NRXN1: variants seen among roughly 807,000 people sequenced by gnomAD.
The protein encoded by NRXN1 is neurexin-1.
Under a neutral mutation model 150.9 loss-of-function variants are expected in NRXN1, and 39 were observed. The ratio of observed to expected loss-of-function variants is 0.26; its 90% CI spans 0.20 to 0.34. The LOEUF (loss-of-function observed/expected upper bound fraction) is 0.34, where lower values mean the gene tolerates loss of function less well. NRXN1 is among the 10% of genes least tolerant of loss of function. The pLI is 1.00. For synonymous variants in NRXN1, 924 were observed against 757.0 expected (o/e 1.22, Z -3.62); for missense variants, 1,815 against 1,949.9 (o/e 0.93, Z 1.30).
At chr2:50,726,812 G>A (rs534045463) in intron 5 of NRXN1, among the ~76,000 whole-genome samples, 3 of 152,058 alleles carry the variant, frequency 2.0e-5, no homozygotes, top group Non-Finnish European at 4.4e-5. Flanking sequence ...ATGGAAATAA[G>A]GGTAACAAAA....
intron 5 of NRXN1, among the ~76,000 whole-genome samples, chr2:50,628,206 A>G (rs1573869381): frequency 6.6e-6 from 1 of 151,832 alleles, no homozygotes; most frequent in East Asian, 1.9e-4. Flanking sequence ...GTTAAATAAT[A>G]AACAGTTTGC....
rs565645834 is a variant in NRXN1, at chr2:50,769,946, T to C, written c.833-146331A>G. ...TGTTTGGGAATTGTACTGTCTGCCATGGGGGTGAGAAGCCAAGGCAGCCGG... is the reference window on the plus strand; with the variant it reads ...TGTTTGGGAATTGTACTGTCTGCCACGGGGGTGAGAAGCCAAGGCAGCCGG... On this transcript the variant is annotated intron_variant, in intron 5 of 22. Coordinates refer to ENST00000401669, the MANE Select transcript of NRXN1 (RefSeq NM_001330078.2). Among the ~76,000 whole-genome samples the C allele has an allele frequency of 4.6e-5, 7 of 152,146 alleles. No individual in the cohort carries two copies. The South Asian group carries it at 8.3e-4, about 18-fold the overall frequency.
chr2:50,143,680 A>C (rs1332456861), intron 18 of NRXN1, among the ~76,000 whole-genome samples: 1 of 152,034 alleles, frequency 6.6e-6, no homozygotes, highest in Admixed American at 6.6e-5. Context: ...CAAATTCATA[A>C]GTGGAGTATT....
chr2:50,247,330 A>C (rs2066596263), intron 17 of NRXN1, among the ~76,000 whole-genome samples: 1 of 152,106 alleles, frequency 6.6e-6, no homozygotes, highest in African/African-American at 2.4e-5. Flanking sequence ...ATAGCCAAAA[A>C]TTCTGCATAT....
At chr2:50,934,618 AGCG>A (rs1688247733) in intron 2 of NRXN1, among the ~76,000 whole-genome samples, 2 of 152,214 alleles carry the variant, frequency 1.3e-5, no homozygotes, top group African/African-American at 2.4e-5. Flanking sequence ...AGTTCTATTG[AGCG>A]GTATTAACTA....
At chr2:50,885,517 A>T (rs1680100340) in intron 5 of NRXN1, among the ~76,000 whole-genome samples, 1 of 151,356 alleles carries the variant, frequency 6.6e-6, no homozygotes, top group Admixed American at 6.6e-5. Flanking sequence ...AAGTGCTATG[A>T]TATCCCCATA....
intron 18 of NRXN1, among the ~76,000 whole-genome samples, chr2:50,230,733 G>T (rs2064861424): frequency 6.6e-6 from 1 of 152,036 alleles, no homozygotes; most frequent in African/African-American, 2.4e-5. Context: ...ACACACTAAA[G>T]ATGATGACCA....
At chr2:50,725,577 T>C (rs1289682099) in intron 5 of NRXN1, among the ~76,000 whole-genome samples, 1 of 152,188 alleles carries the variant, frequency 6.6e-6, no homozygotes, top group East Asian at 1.9e-4. Context: ...CTGGGTAATT[T>C]TTCCAGCACA....
At chr2:50,514,454 T>C (rs2092566520) in intron 12 of NRXN1, among the ~76,000 whole-genome samples, 1 of 152,202 alleles carries the variant, frequency 6.6e-6, no homozygotes, top group Admixed American at 6.5e-5. Flanking sequence ...TGCTATTAAT[T>C]TTGTTTAAAA....
At chr2:50,983,400 T>C (rs1157934509) in intron 2 of NRXN1, among the ~76,000 whole-genome samples, 1 of 152,116 alleles carries the variant, frequency 6.6e-6, no homozygotes, top group African/African-American at 2.4e-5. Context: ...CCTATTTCAA[T>C]GGACACCAGA....
At chr2:51,030,123 G>A (rs1009557395) in intron 1 of NRXN1, among the ~76,000 whole-genome samples, 3 of 151,732 alleles carry the variant, frequency 2.0e-5, no homozygotes, top group African/African-American at 7.3e-5. Flanking sequence ...TTTTTCCTAA[G>A]TCATTTTTTA....
intron 21 of NRXN1, among the ~76,000 whole-genome samples, chr2:49,957,777 T>A (rs1558581373): frequency 6.6e-6 from 1 of 152,168 alleles, no homozygotes; most frequent in Non-Finnish European, 1.5e-5. Flanking sequence ...GTGGGTCAGA[T>A]GTACAGTACC....
At chr2:50,356,985 T>C (rs897118324) in intron 17 of NRXN1, among the ~76,000 whole-genome samples, 1 of 152,140 alleles carries the variant, frequency 6.6e-6, no homozygotes, top group Non-Finnish European at 1.5e-5. Context: ...CCAATGCCCT[T>C]AAATGATGAA....
chr2:50,690,276 T>G (rs1309058804), intron 5 of NRXN1, among the ~76,000 whole-genome samples: 1 of 152,192 alleles, frequency 6.6e-6, no homozygotes, highest in Admixed American at 6.5e-5. Flanking sequence ...GTACATAACC[T>G]GAAATGCAAA....
At chr2:50,321,176 G>T (rs2076012794) in intron 17 of NRXN1, among the ~76,000 whole-genome samples, 1 of 152,156 alleles carries the variant, frequency 6.6e-6, no homozygotes, top group South Asian at 2.1e-4. Flanking sequence ...ATATAATTCA[G>T]AGAGATAGCA....
chr2:50,036,569 T>G (rs1474218178), intron 21 of NRXN1, among the ~76,000 whole-genome samples: 1 of 152,202 alleles, frequency 6.6e-6, no homozygotes, highest in Non-Finnish European at 1.5e-5. Context: ...CTATTAAATT[T>G]TATCATTTAC....
intron 5 of NRXN1, among the ~76,000 whole-genome samples, chr2:50,833,494 A>G (rs1671690145): frequency 6.6e-6 from 1 of 152,236 alleles, no homozygotes; most frequent in South Asian, 2.1e-4. Flanking sequence ...CTATTTACAG[A>G]GAGAACTTGC....
At chr2:50,619,938 G>T in intron 8 of NRXN1, 84 bp downstream of exon 8, 1 of 1,248,020 alleles carries the variant, frequency 8.0e-7, no homozygotes. Flanking sequence ...TGGAACATCG[G>T]GTCTTCAGCA....
intron 8 of NRXN1, among the ~76,000 whole-genome samples, chr2:50,617,306 A>G (rs1297628425): frequency 6.6e-6 from 1 of 152,004 alleles, no homozygotes; most frequent in Non-Finnish European, 1.5e-5. Context: ...GTGGTGGTGC[A>G]TGCCTGTAGT....
Sources: gnomAD v4.1 joint callset for allele counts (sites outside exome capture counted in the v4.1 genomes callset) on GRCh38, gnomAD v4.1.1 for gene constraint, MANE v1.5 for transcripts, NCBI Gene and HGNC (gene_info 2026-07-23, HGNC 2026-07-21) for gene names.